DLG2: variants seen among roughly 807,000 people sequenced by gnomAD.
The protein encoded by DLG2 is disks large homolog 2.
DLG2 carries 45 observed loss-of-function variants against 132.5 expected under a neutral mutation model. The ratio of observed to expected loss-of-function variants is 0.34; its 90% confidence interval spans 0.27 to 0.44. The LOEUF (loss-of-function observed/expected upper bound fraction) is 0.44, where lower values mean the gene tolerates loss of function less well. Ranked by LOEUF, DLG2 falls within the 20% of genes least tolerant of loss-of-function variation. The pLI is 1.00. For synonymous variants in DLG2, 424 were observed against 419.6 expected (o/e 1.01, Z -0.13); for missense variants, 1,045 against 1,196.9 (o/e 0.87, Z 1.87).
chr11:84,125,378 G>T (rs753586219), intron 9 of DLG2, among the ~76,000 whole-genome samples: 1 of 152,180 alleles, frequency 6.6e-6, no homozygotes, highest in Non-Finnish European at 1.5e-5. Context: ...TTCCGATGGT[G>T]CTTCAAAGGC....
At chr11:84,074,479 C>A (rs758780274) in intron 10 of DLG2, among the ~76,000 whole-genome samples, 1 of 152,052 alleles carries the variant, frequency 6.6e-6, no homozygotes, top group Non-Finnish European at 1.5e-5. Context: ...CTCACGGGTT[C>A]CACTCCTGTT....
chr11:85,352,616 A>G (rs751419991), intron 3 of DLG2, among the ~76,000 whole-genome samples: 1 of 152,188 alleles, frequency 6.6e-6, no homozygotes, highest in Non-Finnish European at 1.5e-5. Context: ...CCAAAACAGC[A>G]TGGTACTGGT....
chr11:83,462,520 C>T (rs2090223322), intron 26 of DLG2, among the ~76,000 whole-genome samples: 1 of 152,152 alleles, frequency 6.6e-6, no homozygotes, highest in Non-Finnish European at 1.5e-5. Context: ...CTTTCCTGAC[C>T]ACCCTTTCTT....
rs137973181 is a variant in DLG2, at chr11:85,163,297, T to C, written c.187-8646A>G. 5.8e-4 allele frequency among the ~76,000 whole-genome samples: 88 copies of C among 152,296 alleles called. No homozygotes were observed. The East Asian group carries it at 0.016, about 28-fold the overall frequency. On this transcript the variant is annotated intron_variant, in intron 4 of 27. Transcript: ENST00000376104. ...TAATACACTATCTGATTTAATCTTT[T>C]ATTTTTTTCATTCATTAAGCAACTA... is the stretch of plus-strand genomic sequence containing the variant.
At chr11:85,497,741 C>A (rs1352256330) in intron 3 of DLG2, among the ~76,000 whole-genome samples, 1 of 152,166 alleles carries the variant, frequency 6.6e-6, no homozygotes, top group Non-Finnish European at 1.5e-5. Flanking sequence ...TCGGCAGAAA[C>A]CCTACAAGCC....
chr11:84,056,232 A>G (rs1376850470), intron 11 of DLG2, among the ~76,000 whole-genome samples: 1 of 151,670 alleles, frequency 6.6e-6, no homozygotes, highest in Non-Finnish European at 1.5e-5. Flanking sequence ...CTTCCCCACA[A>G]CCCCGGAACA....
rs576257012 is a variant in DLG2 at position 84,610,862 on chromosome 11, T to C, written c.358-76131A>G. ...CCACCTTTTCTCCCTCTGGAATTCA[T>C]ACACGCTGTTTCCTCTGCCTGAAAT... On this transcript the variant is annotated intron_variant, in intron 6 of 27. Transcript: ENST00000376104. Among the ~76,000 whole-genome samples, 8 of 152,246 alleles carry C rather than the reference T, an allele frequency of 5.3e-5. 1 individual carries two copies. In the South Asian group the frequency reaches 1.0e-3, roughly 20 times the overall value.
chr11:85,595,976 G>C (rs1000870301), intron 3 of DLG2, among the ~76,000 whole-genome samples: 1 of 152,102 alleles, frequency 6.6e-6, no homozygotes, highest in Non-Finnish European at 1.5e-5. Flanking sequence ...TTTTCAGCTG[G>C]GGGCAGTGGC....
At chr11:84,398,101 T>C (rs547984968) in intron 7 of DLG2, among the ~76,000 whole-genome samples, 16 of 152,240 alleles carry the variant, frequency 1.1e-4, no homozygotes, top group Admixed American at 2.6e-4. Flanking sequence ...AAAGGCTTCC[T>C]TGTACTTTTG....
At chr11:84,177,276 A>C (rs1250516939) in intron 8 of DLG2, among the ~76,000 whole-genome samples, 1 of 152,124 alleles carries the variant, frequency 6.6e-6, no homozygotes, top group Non-Finnish European at 1.5e-5. Context: ...CTTCCATCTA[A>C]TATCATCACA....
At chr11:85,624,635 A>G (rs554861736) in intron 2 of DLG2, among the ~76,000 whole-genome samples, 70 of 152,194 alleles carry the variant, frequency 4.6e-4, no homozygotes, top group Non-Finnish European at 7.2e-4. Context: ...TACAATATAC[A>G]CATAACTTGT....
At chr11:84,940,129 G>C (rs2049212595) in intron 6 of DLG2, among the ~76,000 whole-genome samples, 2 of 152,158 alleles carry the variant, frequency 1.3e-5, no homozygotes, top group African/African-American at 4.8e-5. Context: ...TTACTGGAGT[G>C]AGATGATATC....
intron 4 of DLG2, among the ~76,000 whole-genome samples, chr11:85,210,830 T>C (rs147289259): frequency 4.9e-4 from 75 of 152,262 alleles, no homozygotes; most frequent in African/African-American, 1.8e-3. Flanking sequence ...CAATCTGAGA[T>C]TCTTCTTCCC....
intron 3 of DLG2, among the ~76,000 whole-genome samples, chr11:85,483,938 G>T (rs2093360224): frequency 6.6e-6 from 1 of 151,316 alleles, no homozygotes; most frequent in Non-Finnish European, 1.5e-5. Flanking sequence ...ACTTTATTAA[G>T]GTATATACAA....
At chr11:85,239,492 A>G (rs1454311774) in intron 4 of DLG2, among the ~76,000 whole-genome samples, 1 of 152,004 alleles carries the variant, frequency 6.6e-6, no homozygotes, top group Non-Finnish European at 1.5e-5. Context: ...CAGTATTTCT[A>G]GTTTGTGTGA....
intron 2 of DLG2, among the ~76,000 whole-genome samples, chr11:85,619,958 G>A (rs536980379): frequency 3.9e-5 from 6 of 152,274 alleles, no homozygotes; most frequent in East Asian, 1.9e-4. Flanking sequence ...ATGAAGTCAG[G>A]TACAGGCATA....
chr11:84,295,667 G>T (rs956627289), intron 7 of DLG2, among the ~76,000 whole-genome samples: 3 of 152,190 alleles, frequency 2.0e-5, no homozygotes, highest in African/African-American at 7.2e-5. Context: ...AGGGTCCAGA[G>T]TAGTACAGAT....
chr11:83,882,293 T>C (rs1317081915), intron 15 of DLG2, among the ~76,000 whole-genome samples: 1 of 152,196 alleles, frequency 6.6e-6, no homozygotes, highest in East Asian at 1.9e-4. Flanking sequence ...GAACACAATA[T>C]GTTAACTGTT....
chr11:84,220,780 C>CTTTTTTTT (rs5793114), intron 8 of DLG2, among the ~76,000 whole-genome samples: 8 of 77,534 alleles, frequency 1.0e-4, no homozygotes, highest in Admixed American at 3.8e-4. Flanking sequence ...TTTTTCTTTT[C>CTTTTTTTT]TTTTTTTTTT....
Sources: gnomAD v4.1 joint callset for allele counts (sites outside exome capture counted in the v4.1 genomes callset) on GRCh38, gnomAD v4.1.1 for gene constraint, MANE v1.5 for transcripts, NCBI Gene and HGNC (gene_info 2026-07-23, HGNC 2026-07-21) for gene names.